NEGR1: variants seen among roughly 807,000 people sequenced by gnomAD.
NEGR1 encodes the protein neuronal growth regulator 1, also known as IgLON family member 4.
Under a neutral mutation model 40.9 loss-of-function variants are expected in NEGR1, and 10 were observed. The observed-to-expected ratio is 0.24, with a 90% CI of 0.15 to 0.42. The LOEUF is 0.42. Ranked by LOEUF, NEGR1 falls within the 10% of genes least tolerant of loss-of-function variation. The probability of loss-of-function intolerance (pLI) is 1.00; values close to 1 mark genes in which losing one functional copy is unlikely to be tolerated. For missense variants in NEGR1, 352 were observed against 438.9 expected (o/e 0.80, Z 1.77); for synonymous variants, 185 against 166.8 (o/e 1.11, Z -0.84).
chr1:71,691,881 T>G (rs753349004), intron 4 of NEGR1, among the ~76,000 whole-genome samples: 5 of 151,630 alleles, frequency 3.3e-5, no homozygotes, highest in Non-Finnish European at 7.4e-5. Flanking sequence ...CTTTTTTTTT[T>G]TTTAATTTTA....
chr1:71,655,523 A>G (rs547871700), intron 4 of NEGR1, among the ~76,000 whole-genome samples: 25 of 152,346 alleles, frequency 1.6e-4, no homozygotes, highest in African/African-American at 5.5e-4. Context: ...GGAATTCCCT[A>G]GCATTAATAT....
At chr1:71,431,566 C>T (rs201234862) in intron 6 of NEGR1, among the ~76,000 whole-genome samples, 25,484 of 119,136 alleles carry the variant, frequency 0.21, 4,553 homozygotes, top group African/African-American at 0.49. Flanking sequence ...ATCTGTTTAT[C>T]CATTCATTCA....
At chr1:71,466,713 A>C (rs1272600974) in intron 6 of NEGR1, among the ~76,000 whole-genome samples, 3 of 152,118 alleles carry the variant, frequency 2.0e-5, no homozygotes, top group African/African-American at 7.2e-5. Context: ...TAACCAAGGC[A>C]GTAAGGAGGC....
intron 1 of NEGR1, among the ~76,000 whole-genome samples, chr1:72,020,738 T>G (rs969771436): frequency 6.6e-6 from 1 of 152,168 alleles, no homozygotes; most frequent in African/African-American, 2.4e-5. Context: ...GATATTCATA[T>G]AAGATTCAAT....
At chr1:72,169,620 C>A (rs1467347932) in intron 1 of NEGR1, among the ~76,000 whole-genome samples, 3 of 152,094 alleles carry the variant, frequency 2.0e-5, no homozygotes, top group African/African-American at 7.2e-5. Flanking sequence ...TATAAATTCT[C>A]CAATGGTTCT....
intron 1 of NEGR1, among the ~76,000 whole-genome samples, chr1:72,174,383 G>T (rs1301456009): frequency 6.6e-6 from 1 of 152,156 alleles, no homozygotes; most frequent in Non-Finnish European, 1.5e-5. Context: ...TTCTCTTGGA[G>T]TTGGAGATTC....
At chr1:71,636,577 G>T (rs1651158176) in intron 4 of NEGR1, among the ~76,000 whole-genome samples, 1 of 152,018 alleles carries the variant, frequency 6.6e-6, no homozygotes. Context: ...CAATGGAAAG[G>T]TTCCATAAGA....
At chr1:72,037,107 A>C (rs1265553378) in intron 1 of NEGR1, among the ~76,000 whole-genome samples, 1 of 152,154 alleles carries the variant, frequency 6.6e-6, no homozygotes, top group Admixed American at 6.6e-5. Context: ...TCACTGTTGT[A>C]AATAAATTTG....
At chr1:72,186,592 T>G (rs1652621141) in intron 1 of NEGR1, among the ~76,000 whole-genome samples, 1 of 151,582 alleles carries the variant, frequency 6.6e-6, no homozygotes, top group Admixed American at 6.6e-5. Context: ...CTAATAGGCC[T>G]TAAGATACTA....
intron 2 of NEGR1, among the ~76,000 whole-genome samples, chr1:71,871,127 A>G (rs572614703): frequency 6.6e-6 from 1 of 152,322 alleles, no homozygotes; most frequent in African/African-American, 2.4e-5. Flanking sequence ...TGTTAAGAAT[A>G]TCAAACTCCC....
intron 1 of NEGR1, among the ~76,000 whole-genome samples, chr1:72,239,939 G>A (rs1047170560): frequency 7.9e-5 from 12 of 151,868 alleles, no homozygotes; most frequent in African/African-American, 2.9e-4. Flanking sequence ...AAAAGGTCAT[G>A]GAAAATGTGT....
At chr1:72,239,233 T>G (rs1299785011) in intron 1 of NEGR1, among the ~76,000 whole-genome samples, 3 of 151,872 alleles carry the variant, frequency 2.0e-5, no homozygotes, top group Non-Finnish European at 4.4e-5. Context: ...TTTTTGTATT[T>G]TTTCATGATC....
chr1:72,021,642 C>A lies in NEGR1; in HGVS notation c.177-86331G>T, dbSNP rs549864174. ...ATAACAACATATTTTAGGACCTAGGCAAAATGCTCAATGTCAGAAAAATTT... is the reference window on the plus strand; with the variant it reads ...ATAACAACATATTTTAGGACCTAGGAAAAATGCTCAATGTCAGAAAAATTT... On this transcript the variant is annotated intron_variant, in intron 1 of 6. Coordinates refer to ENST00000357731, the MANE Select transcript of NEGR1 (RefSeq NM_173808.3). Among the ~76,000 whole-genome samples the A allele has an allele frequency of 1.4e-3, 216 of 152,052 alleles. 1 individual carries two copies. The highest frequency in any genetic ancestry group is 2.6e-3 in the Non-Finnish European group (178 of 67,978).
In NEGR1 at chr1:72,108,886, C is replaced by CT. The variant is rs902595222; in HGVS notation, c.176+173432dup. Among the ~76,000 whole-genome samples, 891 of 148,468 alleles carry CT rather than the reference C, an allele frequency of 6.0e-3. 5 individuals are homozygous for CT. The highest frequency in any genetic ancestry group is 0.021 in the African/African-American group (836 of 40,734). On this transcript the variant is annotated intron_variant, in intron 1 of 6. Coordinates refer to ENST00000357731, the MANE Select transcript of NEGR1 (RefSeq NM_173808.3). ...TTTGTCACAGGTAAACAATTTCTAA[C>CT]TTTTTTTTTTAACTTTAGACTTTTA...
rs1553152644 is a variant in NEGR1, at chr1:71,597,472, C to CTGTGTGTGTGTGTGTGTGTG, written c.789-4524_789-4505dup. 1.9e-3 allele frequency among the ~76,000 whole-genome samples: 60 copies of CTGTGTGTGTGTGTGTGTGTG among 31,300 alleles called. 2 individuals are homozygous for CTGTGTGTGTGTGTGTGTGTG. Among genetic ancestry groups the CTGTGTGTGTGTGTGTGTGTG allele is most frequent in the African/African-American group, 5.9e-3 (59 of 9,916 alleles). The allele number at this position is 31,300 out of a possible 152,430, so 20.5% of individuals were successfully genotyped here. A position where few individuals can be genotyped will look rare whatever the true frequency, so the allele number is the denominator to read the frequency against. ...TCTCTCTCTCTCTCTCTCTCTCTCT[C>CTGTGTGTGTGTGTGTGTGTG]TGTGTGTGTGTGTGTGTGTGTGTGT... On this transcript the variant is annotated intron_variant, in intron 5 of 6. Transcript: ENST00000357731.
At chr1:71,845,007 G>T (rs1039577233) in intron 2 of NEGR1, among the ~76,000 whole-genome samples, 1 of 152,150 alleles carries the variant, frequency 6.6e-6, no homozygotes, top group African/African-American at 2.4e-5. Flanking sequence ...TGTTTTCTTA[G>T]TATGAGTTAA....
chr1:71,824,976 T>A (rs555750642), intron 2 of NEGR1, among the ~76,000 whole-genome samples: 1 of 152,062 alleles, frequency 6.6e-6, no homozygotes, highest in Admixed American at 6.6e-5. Context: ...CATGTACAAG[T>A]TTTTGTGGAT....
chr1:71,397,958 G>A lies in NEGR1; in HGVS notation c.*9488C>T, dbSNP rs1646222713. Reference sequence around the variant, plus strand: ...TTGCTCCCAGGATGATTTAAATGAAGCCAAGGTACAGCTTGGGCTGTTGCT... The same window carrying A: ...TTGCTCCCAGGATGATTTAAATGAAACCAAGGTACAGCTTGGGCTGTTGCT... On this transcript the variant is annotated 3_prime_UTR_variant, in exon 7 of 7. Transcript: ENST00000357731. 1 of 152,316 alleles carries A rather than the reference G, an allele frequency of 6.6e-6. No individual in the cohort carries two copies. The highest frequency in any genetic ancestry group is 1.5e-5 in the Non-Finnish European group (1 of 68,142). 9.4% of individuals were successfully genotyped at this position (152,316 alleles called of 1,614,324 possible). A position where few individuals can be genotyped will look rare whatever the true frequency, so the allele number is the denominator to read the frequency against.
At chr1:71,907,485 TATTA>T (rs1661308835) in intron 2 of NEGR1, among the ~76,000 whole-genome samples, 1 of 152,144 alleles carries the variant, frequency 6.6e-6, no homozygotes, top group Non-Finnish European at 1.5e-5. Flanking sequence ...TCTGGATGGC[TATTA>T]CTAAAAAGTG....
Sources: allele counts gnomAD v4.1 joint callset (sites outside exome capture counted in the v4.1 genomes callset), GRCh38; gene constraint gnomAD v4.1.1; transcripts MANE v1.5; gene names NCBI Gene and HGNC (gene_info 2026-07-23, HGNC 2026-07-21).